The following SCARA3 variants were observed in gnomAD, a reference collection of about 807,000 sequenced individuals.
The protein encoded by SCARA3 is scavenger receptor class A member 3, also known as cellular stress response gene protein.
In SCARA3, 39 loss-of-function variants were observed where a neutral mutation model predicts 47.0. The observed-to-expected ratio is 0.83, with a 90% CI of 0.64 to 1.08. SCARA3 has a LOEUF of 1.08. Ranked by LOEUF, SCARA3 falls within the 50% of genes least tolerant of loss-of-function variation. The pLI, the probability that SCARA3 is intolerant of heterozygous loss-of-function variation, is 0.00. For missense variants in SCARA3, 724 were observed against 792.3 expected (o/e 0.91, Z 1.04); for synonymous variants, 356 against 334.1 (o/e 1.07, Z -0.71).
intron 1 of SCARA3, among the ~76,000 whole-genome samples, chr8:27,634,486 G>T (rs1264118595): frequency 1.3e-5 from 2 of 152,166 alleles, no homozygotes; most frequent in Non-Finnish European, 2.9e-5. Flanking sequence ...TTAAAATCCA[G>T]AGAAGTTTCT....
the SCARA3 span, among the ~76,000 whole-genome samples, chr8:27,715,799 T>C: frequency 2.0e-5 from 3 of 149,828 alleles, no homozygotes; most frequent in South Asian, 4.2e-4. This position sits in a 1 kb window ranked among gnomAD's most constrained non-coding sequence, Gnocchi z 4.2. Flanking sequence ...GATAGATAGA[T>C]GACAGATATA....
intron 1 of SCARA3, among the ~76,000 whole-genome samples, chr8:27,637,032 G>T (rs1229109738): frequency 6.6e-6 from 1 of 152,256 alleles, no homozygotes; most frequent in African/African-American, 2.4e-5. Flanking sequence ...TGTTGGCAAA[G>T]GATCATGCCC....
At chr8:27,653,255 C>T (rs555201377) in intron 3 of SCARA3, among the ~76,000 whole-genome samples, 8 of 152,314 alleles carry the variant, frequency 5.3e-5, no homozygotes, top group South Asian at 2.1e-4. Context: ...GAATGTGAGA[C>T]GCTGTCATGT....
chr8:27,727,810 T>C, the SCARA3 span, among the ~76,000 whole-genome samples: 2 of 152,222 alleles, frequency 1.3e-5, no homozygotes, highest in Non-Finnish European at 1.5e-5. Context: ...GGGATTCTGG[T>C]TGTAAGACAC....
the SCARA3 span, among the ~76,000 whole-genome samples, chr8:27,687,811 G>T: frequency 6.6e-6 from 1 of 152,206 alleles, no homozygotes; most frequent in South Asian, 2.1e-4. Flanking sequence ...GAGGTCAGGA[G>T]TTCGAGACCA....
At chr8:27,652,724 G>A (rs1007581003) in intron 3 of SCARA3, among the ~76,000 whole-genome samples, 4 of 152,242 alleles carry the variant, frequency 2.6e-5, no homozygotes, top group African/African-American at 9.6e-5. Context: ...GCCAGGCACT[G>A]GGAACACTGA....
Position 27,658,958 on chromosome 8 carries a change from G to T in SCARA3, c.788G>T (p.Ser263Ile). The T allele has an allele frequency of 6.2e-7, 1 of 1,614,126 alleles. No homozygotes were observed. The highest frequency in any genetic ancestry group is 8.5e-7 in the Non-Finnish European group (1 of 1,180,020). The change falls in exon 5 of 6, where the codon AGC (serine) becomes ATC (isoleucine). Residue 263 changes from serine to isoleucine, a missense_variant. Physicochemically the swap from Ser to Ile is moderately radical, Grantham distance 142. Transcript: ENST00000301904. ...TGGCAGAACTACACACGGCTCTTCAGCGGCCTGCGCACCACCTCCACCAAG... is the reference window on the plus strand; with the variant it reads ...TGGCAGAACTACACACGGCTCTTCATCGGCCTGCGCACCACCTCCACCAAG... The part of the protein sequence containing the change: ...TDWQNYTRLF[S>I]GLRTTSTKTG...
the SCARA3 span, among the ~76,000 whole-genome samples, chr8:27,715,444 T>C: frequency 6.6e-6 from 1 of 152,046 alleles, no homozygotes; most frequent in Non-Finnish European, 1.5e-5. This position sits in a 1 kb window ranked among gnomAD's most constrained non-coding sequence, Gnocchi z 4.2. Context: ...CCACCACCAA[T>C]GCTCCACATG....
chr8:27,690,536 T>C, the SCARA3 span, among the ~76,000 whole-genome samples: 4 of 152,198 alleles, frequency 2.6e-5, no homozygotes, highest in African/African-American at 9.7e-5. Flanking sequence ...TATGATACAT[T>C]TCTAAGATGG....
At chr8:27,659,593 A>G (rs1801847559) in intron 5 of SCARA3, 54 bp downstream of exon 5, 3 of 1,466,292 alleles carry the variant, frequency 2.0e-6, no homozygotes, top group Non-Finnish European at 2.8e-6. Flanking sequence ...AGGCTTGGTG[A>G]TCTTGCTGGA....
At chr8:27,640,296 G>A (rs747710804) in intron 1 of SCARA3, among the ~76,000 whole-genome samples, 1 of 152,150 alleles carries the variant, frequency 6.6e-6, no homozygotes, top group Admixed American at 6.5e-5. Flanking sequence ...ATGACAAAAT[G>A]TAGATGAACA....
At chr8:27,635,019 G>A (rs527769993) in intron 1 of SCARA3, among the ~76,000 whole-genome samples, 5 of 152,272 alleles carry the variant, frequency 3.3e-5, no homozygotes, top group Admixed American at 2.6e-4. Context: ...GTGTCTTTCA[G>A]TAATCCTCCT....
chr8:27,682,187 C>G, the SCARA3 span, among the ~76,000 whole-genome samples: 3 of 151,988 alleles, frequency 2.0e-5, no homozygotes, highest in Admixed American at 6.6e-5. Flanking sequence ...GGAAGAAATT[C>G]TTAAAAAATG....
intron 2 of SCARA3, 52 bp downstream of exon 2, chr8:27,649,852 G>C (rs1444744686): frequency 6.8e-7 from 1 of 1,480,960 alleles, no homozygotes; most frequent in African/African-American, 1.4e-5. Flanking sequence ...AGAGATCCCT[G>C]TCTCCATCCC....
intron 1 of SCARA3, among the ~76,000 whole-genome samples, chr8:27,641,534 G>A (rs927850541): frequency 6.6e-6 from 1 of 152,220 alleles, no homozygotes; most frequent in Non-Finnish European, 1.5e-5. Context: ...CTTCTCTAGT[G>A]CAATTCGAAG....
the SCARA3 span, among the ~76,000 whole-genome samples, chr8:27,709,350 C>T: frequency 1.4e-4 from 22 of 152,278 alleles, no homozygotes; most frequent in Middle Eastern, 3.4e-3. Flanking sequence ...AGTCCTTGAC[C>T]GGGCCAGGAA....
the SCARA3 span, among the ~76,000 whole-genome samples, chr8:27,719,537 TAA>T: frequency 8.7e-4 from 122 of 139,600 alleles, no homozygotes; most frequent in African/African-American, 1.4e-3. Context: ...AAATAAAAGT[TAA>T]AAAAAAAAAA....
At chr8:27,673,402 G>T (rs34771353), downstream of SCARA3, among the ~76,000 whole-genome samples, 602 of 152,398 alleles carry the variant, frequency 4.0e-3, 4 homozygotes, top group African/African-American at 0.013. Flanking sequence ...GGCCAGACCT[G>T]CCCCAAGGGG....
downstream of SCARA3, among the ~76,000 whole-genome samples, chr8:27,674,725 CTTTTTTT>C (rs71553874): frequency 7.3e-4 from 78 of 106,288 alleles, no homozygotes; most frequent in Non-Finnish European, 1.4e-3. Context: ...TTTTCTCTCT[CTTTTTTT>C]TTTTTTTTTT....
Sources: allele counts gnomAD v4.1 joint callset (sites outside exome capture counted in the v4.1 genomes callset), GRCh38; gene constraint gnomAD v4.1.1; non-coding constraint Gnocchi (gnomAD v3.1); transcripts MANE v1.5; gene names NCBI Gene and HGNC (gene_info 2026-07-23, HGNC 2026-07-21).